The following KIF13B variants were observed in gnomAD, a reference collection of about 807,000 sequenced individuals.
The protein encoded by KIF13B is kinesin-like protein KIF13B.
In KIF13B, 127 loss-of-function variants were observed where a neutral mutation model predicts 222.0. The ratio of observed to expected loss-of-function variants is 0.57; its 90% CI spans 0.50 to 0.66. KIF13B has a LOEUF of 0.66. Ranked by LOEUF, KIF13B falls within the 30% of genes least tolerant of loss-of-function variation. KIF13B has a pLI of 0.00. For synonymous variants in KIF13B, 976 were observed against 919.0 expected (o/e 1.06, Z -1.12); for missense variants, 2,173 against 2,379.0 (o/e 0.91, Z 1.80).
At chr8:29,134,295 C>T in intron 21 of KIF13B, 85 bp from the exon 22 acceptor site, 2 of 1,301,228 alleles carry the variant, frequency 1.5e-6, no homozygotes, top group East Asian at 4.6e-5. Context: ...CCGGCTCTGT[C>T]ACTAACTTAG....
intron 18 of KIF13B, among the ~76,000 whole-genome samples, chr8:29,144,676 C>G (rs955545814): frequency 1.3e-5 from 2 of 152,104 alleles, no homozygotes; most frequent in Non-Finnish European, 1.5e-5. Flanking sequence ...AATGCTGGAC[C>G]TGGGACTATA....
At chr8:29,255,621 C>T (rs1172174344) in intron 1 of KIF13B, among the ~76,000 whole-genome samples, 1 of 152,102 alleles carries the variant, frequency 6.6e-6, no homozygotes, top group Non-Finnish European at 1.5e-5. Context: ...TGAACCCTCC[C>T]CTTCTACCTG....
chr8:29,142,372 C>T (rs914603086), intron 18 of KIF13B, 69 bp from the exon 19 acceptor site: 28 of 1,359,692 alleles, frequency 2.1e-5, no homozygotes, highest in Non-Finnish European at 2.6e-5. Flanking sequence ...GACAATTCCA[C>T]CCCCATCAGT....
At position 29,147,519 on chromosome 8, in the gene KIF13B, A is replaced by T; in HGVS notation, c.1897T>A (p.Tyr633Asn). Residue 633 changes from tyrosine to asparagine, a missense_variant, in exon 17 of 40, where the codon TAT becomes AAT. Coordinates refer to ENST00000524189, the MANE Select transcript of KIF13B (RefSeq NM_015254.4). ...CGGAGCTGCTCCAATTCGTGCTCAT[A>T]CATAAGCCTCTGGCGCTCCAGTGCA... ...RSALERQRLM[Y>N]EHELEQLRRR... is the part of the protein sequence containing the mutation. 1 of 1,613,814 alleles carries T rather than the reference A, an allele frequency of 6.2e-7. No individual in the cohort carries two copies. Among genetic ancestry groups the T allele is most frequent in the Non-Finnish European group, 8.5e-7 (1 of 1,179,860 alleles).
At chr8:29,103,027 G>T (rs574810287) in intron 35 of KIF13B, among the ~76,000 whole-genome samples, 1 of 152,096 alleles carries the variant, frequency 6.6e-6, no homozygotes, top group Non-Finnish European at 1.5e-5. Context: ...CAGATCACGA[G>T]GTCAGGAGAT....
rs986063331 is a variant in KIF13B at position 29,107,908 on chromosome 8, C to A, written c.4215+231G>T. Among the ~76,000 whole-genome samples, 22 of 152,196 alleles carry A rather than the reference C, an allele frequency of 1.4e-4. 1 individual carries two copies. The highest frequency in any genetic ancestry group is 1.4e-3 in the Admixed American group (22 of 15,292). On this transcript the variant is annotated intron_variant, in intron 35 of 39. Transcript: ENST00000524189. ...TAGGAAGGAAATTTAGACAGAAGTA[C>A]GAGCTTTAGCAGAAAAATTGTTTTT... is the stretch of plus-strand genomic sequence containing the variant.
rs774132251 is a variant in KIF13B, at chr8:29,140,458, G to A, written c.2484+10C>T. ...CTCTACAGGAAACAAGGCATGAAGAGAAAACCAACCTCTCCTTTCTGGTTG... is the reference window on the plus strand; with the variant it reads ...CTCTACAGGAAACAAGGCATGAAGAAAAAACCAACCTCTCCTTTCTGGTTG... On this transcript the variant is annotated intron_variant, in intron 20 of 39. Transcript: ENST00000524189. 4.3e-6 allele frequency: 7 copies of A among 1,612,030 alleles called. No homozygotes were observed. Among genetic ancestry groups the A allele is most frequent in the Non-Finnish European group, 5.9e-6 (7 of 1,178,864 alleles).
At chr8:29,258,284 G>A (rs542320889) in intron 1 of KIF13B, among the ~76,000 whole-genome samples, 1 of 152,108 alleles carries the variant, frequency 6.6e-6, no homozygotes, top group African/African-American at 2.4e-5. Context: ...AATTTTGACC[G>A]ACTTCCTTAT....
At chr8:29,108,873 G>C (rs973003048) in intron 34 of KIF13B, among the ~76,000 whole-genome samples, 2 of 152,174 alleles carry the variant, frequency 1.3e-5, no homozygotes, top group African/African-American at 4.8e-5. Context: ...TCAAAAATGA[G>C]GAAAAGAGTA....
At chr8:29,211,022 G>A (rs946075480) in intron 2 of KIF13B, among the ~76,000 whole-genome samples, 2 of 152,208 alleles carry the variant, frequency 1.3e-5, no homozygotes, top group African/African-American at 4.8e-5. Context: ...CAATGGCCCG[G>A]CAGAAAAGGG....
chr8:29,226,018 T>G (rs527368457), intron 2 of KIF13B, among the ~76,000 whole-genome samples: 2 of 152,344 alleles, frequency 1.3e-5, no homozygotes, highest in African/African-American at 4.8e-5. Flanking sequence ...CTTCACATTA[T>G]AGATGGAATT....
intron 36 of KIF13B, among the ~76,000 whole-genome samples, chr8:29,097,819 T>G (rs1808603162): frequency 6.6e-6 from 1 of 152,032 alleles, no homozygotes; most frequent in Non-Finnish European, 1.5e-5. Flanking sequence ...ATAATACAAA[T>G]TATCAGTATC....
At chr8:29,233,363 G>C (rs534419242) in intron 2 of KIF13B, among the ~76,000 whole-genome samples, 1 of 152,182 alleles carries the variant, frequency 6.6e-6, no homozygotes. Flanking sequence ...TGAACTTATA[G>C]AACTACTTGC....
intron 1 of KIF13B, among the ~76,000 whole-genome samples, chr8:29,247,560 G>A (rs534968290): frequency 3.9e-5 from 6 of 152,124 alleles, no homozygotes; most frequent in Admixed American, 6.5e-5. Context: ...CAGGTGCAAT[G>A]GCTCACGCCT....
rs1039555906 is a variant in KIF13B at position 29,072,405 on chromosome 8, G to A, written c.4522-89C>T. The A allele has an allele frequency of 3.4e-6, 3 of 881,022 alleles. No individual in the cohort carries two copies. The African/African-American group carries it at 5.3e-5, about 15-fold the overall frequency. 54.6% of individuals were successfully genotyped at this position (881,022 alleles called of 1,614,324 possible). A position where few individuals can be genotyped will look rare whatever the true frequency, so the allele number is the denominator to read the frequency against. ...AGCTTTGACTTGGAAAAGAGCATGA[G>A]GCCAGGGGCAGTGGCTCAGCCTGTA... On this transcript the variant is annotated intron_variant, in intron 38 of 39. Coordinates refer to ENST00000524189, the MANE Select transcript of KIF13B (RefSeq NM_015254.4).
At chr8:29,195,832 G>T (rs896373863) in intron 3 of KIF13B, among the ~76,000 whole-genome samples, 7 of 152,216 alleles carry the variant, frequency 4.6e-5, no homozygotes, top group African/African-American at 1.7e-4. Flanking sequence ...GGCCGCGCAG[G>T]TTTCTGTTGG....
rs1267803443 is a variant in KIF13B at position 29,179,516 on chromosome 8, G to GAA, written c.720+587_720+588insTT. Among the ~76,000 whole-genome samples, 162 of 152,294 alleles carry GAA rather than the reference G, an allele frequency of 1.1e-3. 3 individuals carry two copies. In the East Asian group the frequency reaches 0.029, roughly 27 times the overall value. On this transcript the variant is annotated intron_variant, in intron 8 of 39. Coordinates refer to ENST00000524189, the MANE Select transcript of KIF13B (RefSeq NM_015254.4). ...TGGGCCATCGGTGCACTTAACTTCT[G>GAA]CTCCACCTTCCTTTAGTGGGAGTGG...
intron 35 of KIF13B, among the ~76,000 whole-genome samples, chr8:29,103,187 A>G (rs565108998): frequency 6.7e-6 from 1 of 150,034 alleles, no homozygotes; most frequent in Non-Finnish European, 1.5e-5. Flanking sequence ...GCTTGCAGTG[A>G]GCCGAGATAG....
intron 19 of KIF13B, 198 bp from the exon 20 acceptor site, chr8:29,140,815 C>G: frequency 2.0e-6 from 1 of 489,346 alleles, no homozygotes; most frequent in Non-Finnish European, 3.6e-6. Flanking sequence ...CTTCCTCATT[C>G]CCATTCACAA....
Sources: allele counts gnomAD v4.1 joint callset (sites outside exome capture counted in the v4.1 genomes callset), GRCh38; gene constraint gnomAD v4.1.1; transcripts MANE v1.5; gene names NCBI Gene and HGNC (gene_info 2026-07-23, HGNC 2026-07-21).